Variants in USP15 observed in about 807,000 individuals in gnomAD.
The protein encoded by USP15 is ubiquitin specific peptidase 15.
In USP15, 18 loss-of-function variants were observed where a neutral mutation model predicts 127.1. The observed-to-expected ratio is 0.14, with a 90% CI of 0.10 to 0.21. The LOEUF (loss-of-function observed/expected upper bound fraction) is 0.21. USP15 is among the 10% of genes least tolerant of loss of function. The probability of loss-of-function intolerance (pLI) is 1.00; values close to 1 mark genes in which losing one functional copy is unlikely to be tolerated. For synonymous variants in USP15, 364 were observed against 393.7 expected (o/e 0.92, Z 0.89); for missense variants, 805 against 1,159.9 (o/e 0.69, Z 4.44).
At chr12:62,330,944 A>C (rs946252493) in intron 6 of USP15, among the ~76,000 whole-genome samples, 28 of 151,818 alleles carry the variant, frequency 1.8e-4, no homozygotes, top group African/African-American at 9.7e-5. Flanking sequence ...AAAAAAAAAA[A>C]AAAAAACAGA....
chr12:62,293,055 C>G (rs774391185), intron 1 of USP15, among the ~76,000 whole-genome samples: 1 of 152,122 alleles, frequency 6.6e-6, no homozygotes, highest in Non-Finnish European at 1.5e-5. Flanking sequence ...AGGTGAGCAA[C>G]CCAGCGTGAG....
intron 1 of USP15, among the ~76,000 whole-genome samples, chr12:62,263,734 A>C (rs976316594): frequency 6.6e-6 from 1 of 152,216 alleles, no homozygotes; most frequent in East Asian, 1.9e-4. Context: ...ATATTTGTTG[A>C]TCTGTGTTTC....
At chr12:62,262,995 T>G (rs1443312500) in intron 1 of USP15, among the ~76,000 whole-genome samples, 1 of 152,184 alleles carries the variant, frequency 6.6e-6, no homozygotes. Context: ...AGCCAGTTTA[T>G]TTGCAAATTA....
chr12:62,389,321 C>T, intron 11 of USP15, 110 bp from the exon 12 acceptor site: 1 of 874,942 alleles, frequency 1.1e-6, no homozygotes, highest in Non-Finnish European at 1.7e-6. Flanking sequence ...TGGAGACAAA[C>T]ACTAATCCAA....
chr12:62,389,998 A>G lies in USP15; in HGVS notation c.1844+10A>G. 6.3e-7 allele frequency: 1 copy of G among 1,575,664 alleles called. No individual in the cohort carries two copies. Among genetic ancestry groups the G allele is most frequent in the South Asian group, 1.2e-5 (1 of 85,554 alleles). ...TGCTCTTGAGAATGTGGTAAGTGCCAGACAATTCTACATTGACAAAATAAA... is the reference window on the plus strand; with the variant it reads ...TGCTCTTGAGAATGTGGTAAGTGCCGGACAATTCTACATTGACAAAATAAA... On this transcript the variant is annotated intron_variant, in intron 14 of 21. Coordinates refer to ENST00000280377, the MANE Select transcript of USP15 (RefSeq NM_001252078.2).
intron 9 of USP15, among the ~76,000 whole-genome samples, chr12:62,382,617 C>A (rs185189961): frequency 1.3e-4 from 20 of 151,832 alleles, no homozygotes; most frequent in Admixed American, 7.2e-4. Flanking sequence ...TAAATAGGTT[C>A]TTTATGTGTG....
chr12:62,290,158 GTTTC>G (rs1191432472), intron 1 of USP15, among the ~76,000 whole-genome samples: 1 of 152,126 alleles, frequency 6.6e-6, no homozygotes, highest in Non-Finnish European at 1.5e-5. Context: ...TAATTCTGGT[GTTTC>G]TTTGTTGGTT....
At chr12:62,399,250 C>CA (rs2067599104) in intron 20 of USP15, among the ~76,000 whole-genome samples, 1 of 152,158 alleles carries the variant, frequency 6.6e-6, no homozygotes, top group Non-Finnish European at 1.5e-5. Flanking sequence ...GCATGCACAG[C>CA]AACAGCTTAG....
chr12:62,402,519 TAA>T (rs764524146), intron 21 of USP15, among the ~76,000 whole-genome samples: 15 of 151,830 alleles, frequency 9.9e-5, no homozygotes, highest in Non-Finnish European at 2.1e-4. Flanking sequence ...CTGAGTCTAG[TAA>T]AAATAAGAGT....
chr12:62,363,485 T>C (rs1188779818), intron 8 of USP15, among the ~76,000 whole-genome samples: 2 of 152,110 alleles, frequency 1.3e-5, no homozygotes, highest in Non-Finnish European at 2.9e-5. Context: ...CCTCTAAATA[T>C]ATATATTCTT....
intron 8 of USP15, among the ~76,000 whole-genome samples, chr12:62,376,483 T>C (rs2066832151): frequency 6.6e-6 from 1 of 152,140 alleles, no homozygotes; most frequent in African/African-American, 2.4e-5. Flanking sequence ...AGTGATAAAT[T>C]TTAAGATCTA....
chr12:62,285,041 ATTG>A (rs1479229354), intron 1 of USP15, among the ~76,000 whole-genome samples: 2 of 152,198 alleles, frequency 1.3e-5, no homozygotes, highest in Admixed American at 6.5e-5. Context: ...CAGAGATAGT[ATTG>A]TTGTTATTAA....
chr12:62,390,920 G>C lies in USP15; in HGVS notation c.1901G>C (p.Cys634Ser). 1.2e-6 allele frequency: 2 copies of C among 1,612,964 alleles called. No individual in the cohort carries two copies. Among genetic ancestry groups the C allele is most frequent in the Non-Finnish European group, 1.7e-6 (2 of 1,179,362 alleles). ...TEETEGSLHC[C>S]KDQNINGNGP... ...GAAACTGAAGGATCCCTACACTGCTGTAAGGACCAAAATATTAATGGGAAT... is the reference window on the plus strand; with the variant it reads ...GAAACTGAAGGATCCCTACACTGCTCTAAGGACCAAAATATTAATGGGAAT... Residue 634 changes from cysteine (C) to serine (S), a missense_variant, in exon 15 of 22, where the codon TGT (cysteine) becomes TCT (serine). Physicochemically the swap from Cys to Ser is moderately radical, Grantham distance 112. Coordinates refer to ENST00000280377, the MANE Select transcript of USP15 (RefSeq NM_001252078.2).
At chr12:62,286,198 C>T (rs368448778) in intron 1 of USP15, among the ~76,000 whole-genome samples, 19 of 151,484 alleles carry the variant, frequency 1.3e-4, no homozygotes, top group Middle Eastern at 6.8e-3. Flanking sequence ...AGAAAAAAAA[C>T]GCCCATTAAA....
intron 8 of USP15, among the ~76,000 whole-genome samples, chr12:62,360,984 C>A (rs1251199429): frequency 6.6e-6 from 1 of 151,736 alleles, no homozygotes; most frequent in Non-Finnish European, 1.5e-5. Flanking sequence ...ATGTAAACAA[C>A]CTTACTTGCA....
At chr12:62,324,362 A>G (rs982096042) in intron 5 of USP15, among the ~76,000 whole-genome samples, 3 of 152,012 alleles carry the variant, frequency 2.0e-5, no homozygotes, top group Non-Finnish European at 4.4e-5. Context: ...GAAATCTTCT[A>G]TAGCTAAAAT....
chr12:62,358,951 A>G (rs1040013249), intron 8 of USP15, among the ~76,000 whole-genome samples: 23 of 152,262 alleles, frequency 1.5e-4, no homozygotes, highest in Middle Eastern at 3.4e-3. Flanking sequence ...CCTGTGACCA[A>G]TCCCCTGTGG....
chr12:62,306,096 T>G (rs2064477018), intron 3 of USP15: 1 of 152,200 alleles, frequency 6.6e-6, no homozygotes, highest in Non-Finnish European at 1.5e-5. Context: ...AGTTCTAGTT[T>G]AGCTTTCAGA....
intron 8 of USP15, 110 bp from the exon 9 acceptor site, chr12:62,381,380 A>G (rs1361261922): frequency 3.3e-6 from 3 of 897,110 alleles, no homozygotes; most frequent in East Asian, 2.7e-5. Context: ...CATCATTTAA[A>G]TGTTCTCTGT....
Sources: allele counts gnomAD v4.1 joint callset (sites outside exome capture counted in the v4.1 genomes callset), GRCh38; gene constraint gnomAD v4.1.1; transcripts MANE v1.5; gene names NCBI Gene and HGNC (gene_info 2026-07-23, HGNC 2026-07-21).